Variants in MEI4 observed in about 807,000 individuals in gnomAD.
MEI4 encodes the protein meiotic double-stranded break formation protein 4, also known as meiosis-specific protein MEI4.
Under a neutral mutation model 31.4 loss-of-function variants are expected in MEI4, and 27 were observed. That is an observed-to-expected ratio of 0.86 (90% confidence interval 0.63 to 1.19). The LOEUF is 1.19. Among genes scored for constraint, MEI4 ranks in the 50% most tolerant of loss-of-function variants. The pLI, the probability that MEI4 is intolerant of heterozygous loss-of-function variation, is 0.00. For missense variants in MEI4, 329 were observed against 398.9 expected (o/e 0.82, Z 1.49); for synonymous variants, 122 against 145.4 (o/e 0.84, Z 1.16).
intron 4 of MEI4, among the ~76,000 whole-genome samples, chr6:77,890,090 C>T (rs1352871387): frequency 1.3e-5 from 2 of 152,182 alleles, no homozygotes; most frequent in Non-Finnish European, 2.9e-5. Flanking sequence ...TTGCAGTCCC[C>T]ATATACAGTC....
Position 77,923,488 on chromosome 6 carries a change from GTTAGTC to G in MEI4, c.*146_*151del, listed in dbSNP as rs1766760997. ...ATATAATTATCAATTCAACTTAATG[GTTAGTC>G]TTAAATTGTATGAAATTTTATGAGT... is the stretch of plus-strand genomic sequence containing the variant. On this transcript the variant is annotated 3_prime_UTR_variant, in exon 5 of 5. Coordinates refer to ENST00000684080, the MANE Select transcript of MEI4 (RefSeq NM_001322247.2). 8 of 729,440 alleles carry G rather than the reference GTTAGTC, an allele frequency of 1.1e-5. No individual in the cohort carries two copies. The highest frequency in any genetic ancestry group is 1.5e-5 in the Non-Finnish European group (8 of 533,438). The allele number at this position is 729,440 out of a possible 1,614,324, so 45.2% of individuals were successfully genotyped here.
At chr6:77,800,433 A>G (rs9350730) in intron 3 of MEI4, among the ~76,000 whole-genome samples, 24,067 of 152,174 alleles carry the variant, frequency 0.16, 2,297 homozygotes, top group East Asian at 0.39. Context: ...CAATCAAGTC[A>G]TCTGCAAACA....
Position 77,847,176 on chromosome 6 carries a change from G to A in MEI4, c.900+18114G>A, listed in dbSNP as rs958387641. The stretch of plus-strand genomic sequence containing the variant: ...AGATTCAGTGGTACTTTCTCTCAAT[G>A]TTCTGAAATGGTGTGTATGGAGCCA... On this transcript the variant is annotated intron_variant, in intron 4 of 4. Coordinates refer to ENST00000684080, the MANE Select transcript of MEI4 (RefSeq NM_001322247.2). The surrounding 1 kb of genome is among the most constrained non-coding windows in gnomAD (Gnocchi z 4.6). 3.9e-5 allele frequency among the ~76,000 whole-genome samples: 6 copies of A among 152,068 alleles called. No homozygotes were observed. Among genetic ancestry groups the A allele is most frequent in the African/African-American group, 1.4e-4 (6 of 41,418 alleles).
At chr6:77,922,393 A>T (rs1021999411) in intron 4 of MEI4, among the ~76,000 whole-genome samples, 1 of 151,742 alleles carries the variant, frequency 6.6e-6, no homozygotes, top group Non-Finnish European at 1.5e-5. Context: ...TGCTCACCTC[A>T]TAGGGCTTCT....
intron 2 of MEI4, among the ~76,000 whole-genome samples, chr6:77,717,023 C>G (rs1000808676): frequency 1.3e-5 from 2 of 149,428 alleles, no homozygotes; most frequent in African/African-American, 5.0e-5. Context: ...GAAAAAGACA[C>G]AGAGACAAAG....
intron 4 of MEI4, among the ~76,000 whole-genome samples, chr6:77,868,166 T>A (rs1771095689): frequency 6.6e-6 from 1 of 150,946 alleles, no homozygotes; most frequent in African/African-American, 2.4e-5. Flanking sequence ...CATGTATACA[T>A]ATGTAACTAA....
intron 4 of MEI4, among the ~76,000 whole-genome samples, chr6:77,889,264 T>A (rs1042111921): frequency 6.6e-6 from 1 of 152,112 alleles, no homozygotes; most frequent in Non-Finnish European, 1.5e-5. Context: ...GTGGGAAAGT[T>A]TGGAATTTCC....
chr6:77,659,357 GGAA>G (rs1768458457), intron 1 of MEI4, among the ~76,000 whole-genome samples: 2 of 152,122 alleles, frequency 1.3e-5, no homozygotes, highest in South Asian at 4.1e-4. Context: ...GATCCACAGA[GGAA>G]GAAGAGACCT....
intron 3 of MEI4, among the ~76,000 whole-genome samples, chr6:77,780,896 A>G (rs1768579336): frequency 6.6e-6 from 1 of 151,992 alleles, no homozygotes; most frequent in South Asian, 2.1e-4. Context: ...GAATATTAAT[A>G]TTTATATATA....
At chr6:77,816,700 C>T (rs979267248) in intron 3 of MEI4, among the ~76,000 whole-genome samples, 3 of 152,038 alleles carry the variant, frequency 2.0e-5, no homozygotes, top group African/African-American at 4.8e-5. Context: ...GTTCTAGATC[C>T]CTGAGGAATC....
chr6:77,715,496 T>G (rs1766558579), intron 2 of MEI4, among the ~76,000 whole-genome samples: 2 of 152,216 alleles, frequency 1.3e-5, no homozygotes, highest in South Asian at 2.1e-4. Flanking sequence ...TTTTATCGTT[T>G]TAATCATATT....
intron 3 of MEI4, among the ~76,000 whole-genome samples, chr6:77,800,641 C>G (rs1333853530): frequency 1.3e-5 from 2 of 152,130 alleles, no homozygotes; most frequent in African/African-American, 4.8e-5. Flanking sequence ...TCATAGATAG[C>G]TCTTATTATT....
At chr6:77,880,234 G>T (rs925685140) in intron 4 of MEI4, among the ~76,000 whole-genome samples, 68 of 140,878 alleles carry the variant, frequency 4.8e-4, no homozygotes, top group African/African-American at 7.3e-4. Flanking sequence ...TTTTTTGTTT[G>T]TTTTTTTTTT....
chr6:77,908,726 A>T (rs1470986472), intron 4 of MEI4, among the ~76,000 whole-genome samples: 1 of 152,156 alleles, frequency 6.6e-6, no homozygotes, highest in East Asian at 1.9e-4. Context: ...CAGACTTTAA[A>T]CCAACAAAGA....
chr6:77,744,763 T>C lies in MEI4; in HGVS notation c.233-16367T>C, dbSNP rs558725546. Among the ~76,000 whole-genome samples the C allele has an allele frequency of 6.6e-3, 1,002 of 152,252 alleles. 6 individuals carry two copies. Among genetic ancestry groups the C allele is most frequent in the Middle Eastern group, 0.017 (5 of 294 alleles). On this transcript the variant is annotated intron_variant, in intron 2 of 4. Transcript: ENST00000684080. ...AAGGGGAAGCCCATCAGACTAACAG[T>C]CGATCTCTCGGCAGAAACCCTAGAA...
chr6:77,732,638 G>A (rs947780643), intron 2 of MEI4, among the ~76,000 whole-genome samples: 2 of 151,812 alleles, frequency 1.3e-5, no homozygotes, highest in African/African-American at 4.9e-5. Flanking sequence ...CTGCCTAATT[G>A]CCCTGGCCAA....
intron 4 of MEI4, among the ~76,000 whole-genome samples, chr6:77,849,035 T>C (rs973092136): frequency 6.6e-6 from 1 of 151,958 alleles, no homozygotes; most frequent in African/African-American, 2.4e-5. Flanking sequence ...ACACATATAA[T>C]ATAATTGCTG....
chr6:77,877,815 C>T (rs1581945182), intron 4 of MEI4, among the ~76,000 whole-genome samples: 1 of 134,734 alleles, frequency 7.4e-6, no homozygotes. Context: ...AAGTTTTATT[C>T]TTATTGAGAC....
At chr6:77,707,201 G>A (rs149225687) in intron 2 of MEI4, among the ~76,000 whole-genome samples, 182 of 152,082 alleles carry the variant, frequency 1.2e-3, no homozygotes, top group African/African-American at 4.3e-3. Flanking sequence ...ACGGAAATGA[G>A]GAATTTATTG....
Sources: gnomAD v4.1 joint callset for allele counts (sites outside exome capture counted in the v4.1 genomes callset) on GRCh38, gnomAD v4.1.1 for gene constraint, Gnocchi (gnomAD v3.1) non-coding constraint, MANE v1.5 for transcripts, NCBI Gene and HGNC (gene_info 2026-07-23, HGNC 2026-07-21) for gene names.